The following CCDC91 variants were observed in gnomAD, a reference collection of about 807,000 sequenced individuals.
The protein encoded by CCDC91 is coiled-coil domain-containing protein 91.
A neutral mutation model predicts 63.2 loss-of-function variants in CCDC91; 48 were observed. The observed-to-expected ratio is 0.76, with a 90% CI of 0.60 to 0.97. CCDC91 has a LOEUF of 0.97. CCDC91 is among the 50% of genes least tolerant of loss of function. CCDC91 has a pLI of 0.00. For missense variants in CCDC91, 500 were observed against 494.6 expected (o/e 1.01, Z -0.10); for synonymous variants, 167 against 165.8 (o/e 1.01, Z -0.06).
At chr12:28,491,342 C>T (rs1476572862) in intron 12 of CCDC91, among the ~76,000 whole-genome samples, 5 of 151,522 alleles carry the variant, frequency 3.3e-5, no homozygotes, top group East Asian at 3.9e-4. Context: ...AAAAGTTGTG[C>T]GAGACCAGAA....
In CCDC91 at chr12:28,225,227, C is replaced by A. The variant is rs527875735; in HGVS notation, c.-14-31975C>A. ...AGTGATGAGAGAAAACTTATAAATTCTTGTGCCATTTTCCCCCTTGATCTG... is the reference window on the plus strand; with the variant it reads ...AGTGATGAGAGAAAACTTATAAATTATTGTGCCATTTTCCCCCTTGATCTG... On this transcript the variant is annotated intron_variant, in intron 1 of 12. Transcript: ENST00000536442. 2.2e-4 allele frequency among the ~76,000 whole-genome samples: 34 copies of A among 152,208 alleles called. No individual in the cohort carries two copies. The South Asian group carries it at 5.2e-3, about 23-fold the overall frequency.
At chr12:28,195,014 A>G (rs968455329) in intron 1 of CCDC91, among the ~76,000 whole-genome samples, 5 of 152,168 alleles carry the variant, frequency 3.3e-5, no homozygotes, top group African/African-American at 1.2e-4. Flanking sequence ...CTTCCACAGC[A>G]TGGAAGGGGA....
chr12:28,243,147 TTCCTTGGTCACGCTG>T (rs1945459304), intron 1 of CCDC91, among the ~76,000 whole-genome samples: 1 of 152,172 alleles, frequency 6.6e-6, no homozygotes, highest in South Asian at 2.1e-4. Context: ...CAGACTTCAT[TTCCTTGGTCACGCTG>T]TGACTGAGAG....
At chr12:28,491,493 C>T (rs1356081822) in intron 12 of CCDC91, among the ~76,000 whole-genome samples, 1 of 151,574 alleles carries the variant, frequency 6.6e-6, no homozygotes, top group Non-Finnish European at 1.5e-5. Context: ...TGAATAAAGA[C>T]CAAATGCATT....
intron 1 of CCDC91, among the ~76,000 whole-genome samples, chr12:28,211,862 C>G (rs1220833429): frequency 6.6e-6 from 1 of 151,990 alleles, no homozygotes; most frequent in Non-Finnish European, 1.5e-5. Flanking sequence ...TTTATAACCC[C>G]TACAATATTA....
At chr12:28,477,117 T>G (rs1393701853) in intron 11 of CCDC91, among the ~76,000 whole-genome samples, 1 of 152,118 alleles carries the variant, frequency 6.6e-6, no homozygotes, top group African/African-American at 2.4e-5. Context: ...CCTAACTCAT[T>G]TTATGAGGCC....
intron 12 of CCDC91, among the ~76,000 whole-genome samples, chr12:28,498,563 C>T (rs1269462877): frequency 6.6e-6 from 1 of 151,570 alleles, no homozygotes; most frequent in African/African-American, 2.4e-5. Context: ...GGTGAAAAAG[C>T]CTATTTCTCC....
chr12:28,304,518 C>T lies in CCDC91; in HGVS notation c.110-1131C>T. On this transcript the variant is annotated intron_variant, in intron 3 of 12. Transcript: ENST00000536442. ...TATTGCTAAAAATGCAATATTGCTA[C>T]ATAATAAAAGTGTGTATAAGATAAT... 9.5e-6 allele frequency: 3 copies of T among 314,532 alleles called. No homozygotes were observed. The South Asian group carries it at 1.0e-4, about 11-fold the overall frequency. 19.5% of individuals were successfully genotyped at this position (314,532 alleles called of 1,614,324 possible). A position where few individuals can be genotyped will look rare whatever the true frequency, so the allele number is the denominator to read the frequency against.
At chr12:28,505,166 A>G (rs1938543711) in intron 12 of CCDC91, among the ~76,000 whole-genome samples, 1 of 151,944 alleles carries the variant, frequency 6.6e-6, no homozygotes, top group Non-Finnish European at 1.5e-5. Context: ...TGCTCAAAGA[A>G]TCATTACTAT....
intron 12 of CCDC91, among the ~76,000 whole-genome samples, chr12:28,538,816 G>C (rs1165118162): frequency 1.3e-5 from 2 of 152,080 alleles, no homozygotes; most frequent in Non-Finnish European, 2.9e-5. Flanking sequence ...GTGTGAGATG[G>C]TATCTCATTG....
In CCDC91 at chr12:28,494,122, AGAGATTTCTGCTGG is replaced by A. The variant is rs1474712714; in HGVS notation, c.1215+9960_1215+9973del. Reference sequence around the variant, plus strand: ...CCTGATGACTTTGTTCCAAAACCTTAGAGATTTCTGCTGGGATTCCTCTATTAGAACTTTTCACA... The same window carrying A: ...CCTGATGACTTTGTTCCAAAACCTTAGATTCCTCTATTAGAACTTTTCACA... On this transcript the variant is annotated intron_variant, in intron 12 of 12. Transcript: ENST00000536442. Among the ~76,000 whole-genome samples the A allele has an allele frequency of 1.4e-4, 22 of 151,848 alleles. No individual in the cohort carries two copies. In the South Asian group the frequency reaches 4.1e-3, roughly 29 times the overall value.
intron 12 of CCDC91, among the ~76,000 whole-genome samples, chr12:28,527,008 T>G (rs2141551073): frequency 6.6e-6 from 1 of 152,260 alleles, no homozygotes; most frequent in South Asian, 2.1e-4. Context: ...CTCCTTTCAC[T>G]TCTTGTATTA....
chr12:28,277,712 A>C (rs1370412100), intron 3 of CCDC91, among the ~76,000 whole-genome samples: 1 of 151,944 alleles, frequency 6.6e-6, no homozygotes, highest in Non-Finnish European at 1.5e-5. Context: ...CAGATTTAAC[A>C]TCTCATCTGG....
chr12:28,462,440 G>A (rs1950352251), intron 11 of CCDC91, among the ~76,000 whole-genome samples: 1 of 151,822 alleles, frequency 6.6e-6, no homozygotes, highest in Non-Finnish European at 1.5e-5. Context: ...TATTTCTTTT[G>A]GCCTAGTAGG....
intron 12 of CCDC91, among the ~76,000 whole-genome samples, chr12:28,525,630 A>G (rs1941191159): frequency 6.6e-6 from 1 of 152,046 alleles, no homozygotes; most frequent in Non-Finnish European, 1.5e-5. Flanking sequence ...GTTCCAGGGT[A>G]TAGTTTAAAT....
At chr12:28,546,211 A>G (rs1474697748) in intron 12 of CCDC91, among the ~76,000 whole-genome samples, 1 of 152,040 alleles carries the variant, frequency 6.6e-6, no homozygotes, top group Non-Finnish European at 1.5e-5. Context: ...GTTTTTGCCT[A>G]CTTATATGTC....
At chr12:28,314,951 TATTCAATC>T (rs1939690383) in intron 6 of CCDC91, among the ~76,000 whole-genome samples, 1 of 151,934 alleles carries the variant, frequency 6.6e-6, no homozygotes, top group Non-Finnish European at 1.5e-5. Flanking sequence ...ATGATTGAAT[TATTCAATC>T]CATAGGTTAA....
chr12:28,265,583 A>G (rs1947133293), intron 3 of CCDC91, among the ~76,000 whole-genome samples: 1 of 151,892 alleles, frequency 6.6e-6, no homozygotes, highest in South Asian at 2.1e-4. Context: ...AACCTAGGAC[A>G]ACAGATCGGT....
intron 3 of CCDC91, among the ~76,000 whole-genome samples, chr12:28,287,787 T>C (rs1318263251): frequency 6.6e-6 from 1 of 152,236 alleles, no homozygotes; most frequent in Non-Finnish European, 1.5e-5. Flanking sequence ...ATGAATTGCT[T>C]TGGGCAGTAT....
Sources: allele counts gnomAD v4.1 joint callset (sites outside exome capture counted in the v4.1 genomes callset), GRCh38; gene constraint gnomAD v4.1.1; transcripts MANE v1.5; gene names NCBI Gene and HGNC (gene_info 2026-07-23, HGNC 2026-07-21).